FRYL: variants seen among roughly 807,000 people sequenced by gnomAD.
FRYL encodes protein furry homolog-like.
FRYL carries 150 observed loss-of-function variants against 351.2 expected under a neutral mutation model. That is an observed-to-expected ratio of 0.43 (90% CI 0.37 to 0.49). The LOEUF (loss-of-function observed/expected upper bound fraction) is 0.49. Ranked by LOEUF, FRYL falls within the 20% of genes least tolerant of loss-of-function variation. FRYL has a pLI of 0.00. For synonymous variants in FRYL, 1,153 were observed against 1,257.1 expected, an observed-to-expected ratio of 0.92 and a Z score of 1.75; for missense variants, 3,036 against 3,619.3, an observed-to-expected ratio of 0.84 and a Z score of 4.13.
intron 1 of FRYL, among the ~76,000 whole-genome samples, chr4:48,762,217 C>T (rs1774491415): frequency 6.6e-6 from 1 of 152,190 alleles, no homozygotes; most frequent in Non-Finnish European, 1.5e-5. Context: ...TTCGTTATTG[C>T]AGCCAGAACT....
chr4:48,587,565 T>TG (rs746859807), intron 18 of FRYL, among the ~76,000 whole-genome samples: 1 of 151,858 alleles, frequency 6.6e-6, no homozygotes, highest in African/African-American at 2.4e-5. Flanking sequence ...TTTTTTGAGA[T>TG]GGAGTTTCGC....
intron 53 of FRYL, among the ~76,000 whole-genome samples, chr4:48,525,814 C>T (rs1353749100): frequency 6.7e-6 from 1 of 148,378 alleles, no homozygotes; most frequent in Non-Finnish European, 1.5e-5. Flanking sequence ...TGTGTATGAG[C>T]TGTATATGAG....
intron 2 of FRYL, among the ~76,000 whole-genome samples, chr4:48,704,311 A>C (rs554585571): frequency 6.6e-6 from 1 of 152,326 alleles, no homozygotes; most frequent in South Asian, 2.1e-4. Flanking sequence ...GCCATATAAA[A>C]AGATATTCAA....
chr4:48,544,990 C>A, intron 42 of FRYL, 86 bp from the exon 43 acceptor site: 1 of 1,356,954 alleles, frequency 7.4e-7, no homozygotes, highest in Non-Finnish European at 9.9e-7. Context: ...TACACCTTTA[C>A]AATTAGAAAG....
At chr4:48,591,121 C>T (rs1306855653) in intron 16 of FRYL, among the ~76,000 whole-genome samples, 1 of 152,108 alleles carries the variant, frequency 6.6e-6, no homozygotes, top group African/African-American at 2.4e-5. Flanking sequence ...ATGGTCCCGT[C>T]CCCTCCCCTT....
intron 10 of FRYL, 81 bp downstream of exon 10, chr4:48,606,357 T>C (rs897877681): frequency 1.3e-6 from 1 of 792,802 alleles, no homozygotes; most frequent in Non-Finnish European, 2.0e-6. Flanking sequence ...AATTTACGTG[T>C]ATTTTGTTTC....
intron 2 of FRYL, among the ~76,000 whole-genome samples, chr4:48,700,428 T>A (rs1766604921): frequency 6.6e-6 from 1 of 152,210 alleles, no homozygotes; most frequent in South Asian, 2.1e-4. Flanking sequence ...ATGACAATTT[T>A]ACATTTTAAG....
intron 1 of FRYL, among the ~76,000 whole-genome samples, chr4:48,763,813 T>C (rs1448919794): frequency 6.6e-6 from 1 of 152,174 alleles, no homozygotes; most frequent in Non-Finnish European, 1.5e-5. Context: ...CTGTATGTTT[T>C]TAACGTATAT....
intron 1 of FRYL, among the ~76,000 whole-genome samples, chr4:48,771,453 G>GTA (rs1775497532): frequency 6.6e-6 from 1 of 152,166 alleles, no homozygotes; most frequent in Non-Finnish European, 1.5e-5. Flanking sequence ...AAGTATCCTA[G>GTA]TATACATGCT....
intron 1 of FRYL, among the ~76,000 whole-genome samples, chr4:48,755,546 G>A (rs769277060): frequency 3.9e-5 from 6 of 152,104 alleles, no homozygotes; most frequent in Non-Finnish European, 2.9e-5. Flanking sequence ...AGAGAGAAAC[G>A]TTGCAAAATC....
rs760731062 is a variant in FRYL, at chr4:48,515,232, T to C, written c.7733A>G (p.Glu2578Gly). ...VLKEEHVTTF[E>G]DEGSYIIQEQ... ...TTGAATTATATAGGATCCTTCATCT[T>C]CAAAGGTTGTAACATGTTCCTCCTT... Residue 2578 changes from glutamate to glycine, a missense_variant, in exon 56 of 64, where the codon GAA becomes GGA. Glu to Gly is a moderately conservative substitution (Grantham distance 98, BLOSUM62 -2). Coordinates refer to ENST00000358350, the MANE Select transcript of FRYL (RefSeq NM_015030.2). The C allele has an allele frequency of 3.7e-6, 6 of 1,611,542 alleles. No homozygotes were observed. Among genetic ancestry groups the C allele is most frequent in the Non-Finnish European group, 5.1e-6 (6 of 1,177,744 alleles).
chr4:48,655,974 TTATA>T (rs1259585577), intron 3 of FRYL, among the ~76,000 whole-genome samples: 4 of 138,798 alleles, frequency 2.9e-5, no homozygotes, highest in Non-Finnish European at 6.0e-5. Flanking sequence ...ATAATGTGCA[TTATA>T]TATAATGTGC....
At chr4:48,603,177 C>T (rs558185451) in intron 12 of FRYL, 113 bp downstream of exon 12, 7 of 787,142 alleles carry the variant, frequency 8.9e-6, no homozygotes, top group Middle Eastern at 3.6e-4. Context: ...TATTGCACTT[C>T]AGGGATTTTA....
chr4:48,532,085 C>T (rs1278203335), intron 49 of FRYL, among the ~76,000 whole-genome samples: 1 of 152,106 alleles, frequency 6.6e-6, no homozygotes, highest in African/African-American at 2.4e-5. Flanking sequence ...TCTTTTACCA[C>T]CCACTGAAAA....
At chr4:48,578,901 A>T (rs1191924301) in intron 23 of FRYL, 72 bp downstream of exon 23, 3 of 1,359,056 alleles carry the variant, frequency 2.2e-6, no homozygotes, top group African/African-American at 2.9e-5. Flanking sequence ...ATACTTTTGA[A>T]TTTTTCAAAT....
At chr4:48,778,127 ATTTGTT>A (rs1353061846) in intron 1 of FRYL, among the ~76,000 whole-genome samples, 4 of 152,154 alleles carry the variant, frequency 2.6e-5, no homozygotes, top group African/African-American at 9.7e-5. Flanking sequence ...AACCCAAAGA[ATTTGTT>A]TTTGTGTGTC....
chr4:48,653,756 C>CA (rs779716653), intron 3 of FRYL: 13 of 1,290,260 alleles, frequency 1.0e-5, no homozygotes, highest in Non-Finnish European at 1.3e-5. Flanking sequence ...ATGCTAATTT[C>CA]AAAAAACACA....
intron 3 of FRYL, among the ~76,000 whole-genome samples, chr4:48,680,668 C>T (rs890505795): frequency 5.3e-5 from 8 of 151,936 alleles, no homozygotes; most frequent in Middle Eastern, 3.3e-3. Flanking sequence ...CTGTCAATAA[C>T]GCTTCAAAAT....
Position 48,752,127 on chromosome 4 carries a change from A to G in FRYL, c.-384+27951T>C, listed in dbSNP as rs145603618. Among the ~76,000 whole-genome samples the G allele has an allele frequency of 2.6e-3, 400 of 152,342 alleles. 1 individual carries two copies. Among genetic ancestry groups the G allele is most frequent in the Non-Finnish European group, 4.5e-3 (307 of 68,030 alleles). On this transcript the variant is annotated intron_variant, in intron 1 of 63. Coordinates refer to ENST00000358350, the MANE Select transcript of FRYL (RefSeq NM_015030.2). ...GAATATGGACTATATACTGGACAAT[A>G]GTATTATATCGTAGTGGATGTGGAG...
Sources: gnomAD v4.1 joint callset for allele counts (sites outside exome capture counted in the v4.1 genomes callset) on GRCh38, gnomAD v4.1.1 for gene constraint, MANE v1.5 for transcripts, NCBI Gene and HGNC (gene_info 2026-07-23, HGNC 2026-07-21) for gene names.